UGCG: variants seen among roughly 807,000 people sequenced by gnomAD.
The protein encoded by UGCG is UDP-glucose ceramide glucosyltransferase.
In UGCG, 10 loss-of-function variants were observed where a neutral mutation model predicts 49.5. That is an observed-to-expected ratio of 0.20 (90% confidence interval 0.12 to 0.34). The LOEUF is 0.34. UGCG is among the 10% of genes least tolerant of loss of function. The probability of loss-of-function intolerance (pLI) is 1.00; values close to 1 mark genes in which losing one functional copy is unlikely to be tolerated. For missense variants in UGCG, 312 were observed against 483.7 expected (o/e 0.65, Z 3.33); for synonymous variants, 182 against 158.2 (o/e 1.15, Z -1.13).
At chr9:111,909,605 G>T (rs1453401815) in intron 1 of UGCG, among the ~76,000 whole-genome samples, 1 of 152,240 alleles carries the variant, frequency 6.6e-6, no homozygotes, top group East Asian at 1.9e-4. Flanking sequence ...TTGCATTCCA[G>T]TGCATATGAT....
intron 7 of UGCG, 64 bp downstream of exon 7, chr9:111,931,421 T>C (rs1838422832): frequency 1.9e-5 from 28 of 1,499,810 alleles, no homozygotes; most frequent in Non-Finnish European, 2.4e-5. Context: ...GTGGTAATTT[T>C]TACAGGTTTA....
intron 2 of UGCG, among the ~76,000 whole-genome samples, chr9:111,921,834 A>T (rs1352509457): frequency 1.0e-4 from 3 of 28,714 alleles, no homozygotes; most frequent in African/African-American, 3.8e-4. Context: ...TTTTTGAGGC[A>T]GGGTCTCACT....
intron 3 of UGCG, among the ~76,000 whole-genome samples, chr9:111,923,165 A>G (rs1199404212): frequency 6.6e-6 from 1 of 151,682 alleles, no homozygotes; most frequent in Admixed American, 6.6e-5. Context: ...ACAAAATAAT[A>G]TTTTTCCCAT....
At chr9:111,922,552 C>T (rs1318449123) in intron 2 of UGCG, among the ~76,000 whole-genome samples, 2 of 152,170 alleles carry the variant, frequency 1.3e-5, no homozygotes, top group African/African-American at 4.8e-5. Context: ...GCTTGAGATC[C>T]AGTTAATGGA....
At chr9:111,926,323 G>A in intron 4 of UGCG, 61 bp from the exon 5 acceptor site, 1 of 963,984 alleles carries the variant, frequency 1.0e-6, no homozygotes, top group South Asian at 1.7e-5. Flanking sequence ...TATATTAATG[G>A]GCATTCTACT....
At chr9:111,930,460 T>A (rs1589530255) in intron 6 of UGCG, among the ~76,000 whole-genome samples, 1 of 144,274 alleles carries the variant, frequency 6.9e-6, no homozygotes, top group Non-Finnish European at 1.5e-5. Context: ...AAAATACTTG[T>A]TTTGTTTTGG....
intron 5 of UGCG, among the ~76,000 whole-genome samples, chr9:111,927,522 G>T (rs574301477): frequency 6.6e-6 from 1 of 151,862 alleles, no homozygotes; most frequent in Admixed American, 6.6e-5. Context: ...CGCGATCTCG[G>T]CTCACTGCAA....
intron 5 of UGCG, 129 bp from the exon 6 acceptor site, chr9:111,929,371 A>C (rs1394708670): frequency 4.5e-6 from 4 of 894,108 alleles, no homozygotes; most frequent in Non-Finnish European, 6.4e-6. Flanking sequence ...TTATTCAGGT[A>C]GTCTACGTAA....
At chr9:111,928,843 T>G (rs1838370835) in intron 5 of UGCG, among the ~76,000 whole-genome samples, 1 of 152,156 alleles carries the variant, frequency 6.6e-6, no homozygotes, top group East Asian at 1.9e-4. Flanking sequence ...TACCATTGAT[T>G]TATCAGCGTA....
chr9:111,921,801 G>GTTTTTTTTTTTTTTTTTTT (rs1564203243), intron 2 of UGCG, among the ~76,000 whole-genome samples: 3 of 48,060 alleles, frequency 6.2e-5, no homozygotes, highest in Non-Finnish European at 1.1e-4. Flanking sequence ...GCCCCAGGGT[G>GTTTTTTTTTTTTTTTTTTT]ATTTTTTTTT....
At chr9:111,929,765 T>A (rs1838387589) in intron 6 of UGCG, 87 bp downstream of exon 6, 2 of 1,460,604 alleles carry the variant, frequency 1.4e-6, no homozygotes, top group South Asian at 1.3e-5. Context: ...ATTAGGGCTT[T>A]TTAATTTAAT....
At position 111,897,142 on chromosome 9, in the gene UGCG, C is replaced by T; in HGVS notation, c.-74C>T. ...CCGCGCCCCCGCACCGGGCGCCCAC[C>T]CTGTCCTCCTCCTGCGGGAGCGTTG... On this transcript the variant is annotated 5_prime_UTR_variant, in exon 1 of 9. Coordinates refer to ENST00000374279, the MANE Select transcript of UGCG (RefSeq NM_003358.3). The T allele has an allele frequency of 2.1e-6, 3 of 1,408,098 alleles. No homozygotes were observed. The highest frequency in any genetic ancestry group is 2.5e-5 in the South Asian group (2 of 78,474). The allele number at this position is 1,408,098 out of a possible 1,614,324, so 87.2% of individuals were successfully genotyped here.
In UGCG at chr9:111,933,677, C is replaced by G. The variant is rs992550813; in HGVS notation, c.*680C>G. 3 of 152,086 alleles carry G rather than the reference C, an allele frequency of 2.0e-5. No individual in the cohort carries two copies. The highest frequency in any genetic ancestry group is 4.8e-5 in the African/African-American group (2 of 41,422). The allele number at this position is 152,086 out of a possible 1,614,324, so 9.4% of individuals were successfully genotyped here. A position where few individuals can be genotyped will look rare whatever the true frequency, so the allele number is the denominator to read the frequency against. On this transcript the variant is annotated 3_prime_UTR_variant, in exon 9 of 9. Coordinates refer to ENST00000374279, the MANE Select transcript of UGCG (RefSeq NM_003358.3). The stretch of plus-strand genomic sequence containing the variant: ...TTTTTTTGGTCTCACTGCAATGAAC[C>G]AAAAGCGGCTGAGTTTGGTTTTTAA...
At chr9:111,919,853 G>A (rs575446163) in intron 2 of UGCG, among the ~76,000 whole-genome samples, 55 of 151,860 alleles carry the variant, frequency 3.6e-4, no homozygotes, top group South Asian at 1.5e-3. Context: ...ACTCTTTAGA[G>A]CAAGCCTGGC....
At chr9:111,918,806 T>A (rs1397370014) in intron 2 of UGCG, among the ~76,000 whole-genome samples, 1 of 151,330 alleles carries the variant, frequency 6.6e-6, no homozygotes, top group African/African-American at 2.4e-5. Context: ...GTGCCTGTAG[T>A]CCCAGCTACT....
At chr9:111,912,764 A>G (rs984712340) in intron 1 of UGCG, among the ~76,000 whole-genome samples, 6 of 152,180 alleles carry the variant, frequency 3.9e-5, no homozygotes, top group African/African-American at 1.2e-4. Context: ...GGACCAGACC[A>G]CACTTTGAGT....
intron 8 of UGCG, 148 bp from the exon 9 acceptor site, chr9:111,932,679 G>T: frequency 1.5e-6 from 1 of 688,980 alleles, no homozygotes; most frequent in Non-Finnish European, 2.3e-6. Context: ...TTTCTTGAAC[G>T]GTATAACATG....
In UGCG at chr9:111,902,914, A is replaced by G. The variant is rs1387209158; in HGVS notation, c.98+5601A>G. Among the ~76,000 whole-genome samples the G allele has an allele frequency of 2.0e-5, 3 of 152,178 alleles. No homozygotes were observed. The East Asian group carries it at 5.8e-4, about 29-fold the overall frequency. On this transcript the variant is annotated intron_variant, in intron 1 of 8. Transcript: ENST00000374279. ...TGCCTCAGCCTCCCAAGCAGCTGAG[A>G]CTACAAGCACGTGCCACCACACCCC...
At chr9:111,914,477 CTT>C in intron 1 of UGCG, 126 bp from the exon 2 acceptor site, 1 of 961,430 alleles carries the variant, frequency 1.0e-6, no homozygotes, top group Non-Finnish European at 1.5e-6. Flanking sequence ...TTTAGATCCT[CTT>C]TTAGAAAGAT....
Sources: gnomAD v4.1 joint callset for allele counts (sites outside exome capture counted in the v4.1 genomes callset) on GRCh38, gnomAD v4.1.1 for gene constraint, MANE v1.5 for transcripts, NCBI Gene and HGNC (gene_info 2026-07-23, HGNC 2026-07-21) for gene names.